The following DOCK1 variants were observed in gnomAD, a reference collection of about 807,000 sequenced individuals.
The protein encoded by DOCK1 is dedicator of cytokinesis 1.
Under a neutral mutation model 262.7 loss-of-function variants are expected in DOCK1, and 138 were observed. The observed-to-expected ratio is 0.53, with a 90% confidence interval of 0.46 to 0.61. The LOEUF (loss-of-function observed/expected upper bound fraction) is 0.61. Among genes scored for constraint, DOCK1 ranks in the 20% least tolerant of loss-of-function variants. The pLI, the probability that DOCK1 is intolerant of heterozygous loss-of-function variation, is 0.00. For synonymous variants in DOCK1, 866 were observed against 867.4 expected (o/e 1.00, Z 0.03); for missense variants, 1,908 against 2,370.7 (o/e 0.80, Z 4.05).
chr10:127,306,090 C>T (rs2061865398), intron 29 of DOCK1, among the ~76,000 whole-genome samples: 1 of 148,688 alleles, frequency 6.7e-6, no homozygotes, highest in Non-Finnish European at 1.5e-5. Context: ...TCTCAGCTTA[C>T]TGCAACCTCC....
At chr10:127,179,244 G>A (rs1022034479) in intron 27 of DOCK1, among the ~76,000 whole-genome samples, 4 of 152,146 alleles carry the variant, frequency 2.6e-5, no homozygotes, top group Non-Finnish European at 5.9e-5. Context: ...GGTCTTGGAC[G>A]CAACCATCAA....
At chr10:127,019,068 G>A in intron 13 of DOCK1, 1 of 560,598 alleles carries the variant, frequency 1.8e-6, no homozygotes, top group Non-Finnish European at 3.0e-6. Context: ...CAGCTGCAAG[G>A]ATTGTGTGAG....
At chr10:127,361,175 G>T (rs933148747) in intron 32 of DOCK1, among the ~76,000 whole-genome samples, 2 of 143,170 alleles carry the variant, frequency 1.4e-5, no homozygotes, top group East Asian at 2.1e-4. Flanking sequence ...GTGCACTGGC[G>T]TGATCTTGGC....
At chr10:127,019,355 A>G (rs1268558433) in intron 13 of DOCK1, among the ~76,000 whole-genome samples, 1 of 152,252 alleles carries the variant, frequency 6.6e-6, no homozygotes, top group Admixed American at 6.5e-5. Context: ...TTTTCCAAAT[A>G]ACGTTCCTAA....
chr10:127,434,584 C>T (rs1448670346), intron 48 of DOCK1, among the ~76,000 whole-genome samples: 1 of 152,142 alleles, frequency 6.6e-6, no homozygotes, highest in Non-Finnish European at 1.5e-5. Context: ...CCACTCTTTA[C>T]CTCCCATATT....
At chr10:127,439,254 C>A (rs555488929) in intron 49 of DOCK1, 29 bp downstream of exon 49, 3 of 1,585,200 alleles carry the variant, frequency 1.9e-6, no homozygotes, top group Non-Finnish European at 2.6e-6. Flanking sequence ...TTTCCTCGCT[C>A]TGCGGTAGCT....
At chr10:127,335,094 T>A (rs2063136590) in intron 29 of DOCK1, among the ~76,000 whole-genome samples, 1 of 152,202 alleles carries the variant, frequency 6.6e-6, no homozygotes, top group Admixed American at 6.5e-5. Flanking sequence ...TCCATCCACT[T>A]ATTCATTCAT....
chr10:127,439,884 AGGAGCC>A (rs1302948605), intron 49 of DOCK1, among the ~76,000 whole-genome samples: 6 of 152,252 alleles, frequency 3.9e-5, no homozygotes, highest in African/African-American at 1.2e-4. Flanking sequence ...GGTGAAACCC[AGGAGCC>A]GGCTCTCATC....
At chr10:126,988,433 A>T (rs2039565690) in intron 5 of DOCK1, 1 of 152,220 alleles carries the variant, frequency 6.6e-6, no homozygotes, top group Admixed American at 6.5e-5. Flanking sequence ...GTTTTTGATT[A>T]TACAGTGGTT....
At chr10:127,099,484 G>A (rs545632165) in intron 23 of DOCK1, among the ~76,000 whole-genome samples, 1 of 152,284 alleles carries the variant, frequency 6.6e-6, no homozygotes, top group South Asian at 2.1e-4. Context: ...TCTGCAGGGT[G>A]CACAGGAAGC....
rs772284979 is a variant in DOCK1, at chr10:127,426,005, A to G, written c.4908A>G (p.Arg1636=). 5 of 1,613,846 alleles carry G rather than the reference A, an allele frequency of 3.1e-6. No homozygotes were observed. The African/African-American group carries it at 6.7e-5, about 22-fold the overall frequency. The change falls in exon 47 of 52, where the codon CGA becomes CGG. Residue 1636 remains arginine, a synonymous_variant. Transcript: ENST00000623213. The part of the protein sequence containing the change: ...KEKVEKEYGV[R]IMPSSLDDRR... ...AGGTGGAGAAAGAGTACGGCGTCCG[A>G]ATCATGGTAAGAGGGTAGTATGCGT...
At chr10:126,927,980 C>T (rs1044939305) in intron 1 of DOCK1, among the ~76,000 whole-genome samples, 20 of 152,166 alleles carry the variant, frequency 1.3e-4, no homozygotes, top group African/African-American at 4.3e-4. Flanking sequence ...CCAGGTGCCA[C>T]CTGGTCTGCG....
chr10:127,089,213 C>G (rs559983843), intron 23 of DOCK1, among the ~76,000 whole-genome samples: 1 of 152,198 alleles, frequency 6.6e-6, no homozygotes, highest in East Asian at 1.9e-4. Flanking sequence ...TGACTCAGCT[C>G]TGCTCCTGTT....
intron 27 of DOCK1, among the ~76,000 whole-genome samples, chr10:127,198,200 G>C (rs1044667991): frequency 6.6e-6 from 1 of 152,214 alleles, no homozygotes; most frequent in African/African-American, 2.4e-5. Flanking sequence ...GAATGTATAG[G>C]AGTTGGGGAC....
intron 28 of DOCK1, among the ~76,000 whole-genome samples, chr10:127,249,961 T>C (rs1264373411): frequency 1.3e-5 from 2 of 152,236 alleles, no homozygotes; most frequent in Admixed American, 1.3e-4. Flanking sequence ...CTGTATCCTG[T>C]TTATATCCCA....
chr10:127,399,429 A>G (rs2067096253), intron 38 of DOCK1, among the ~76,000 whole-genome samples: 1 of 152,178 alleles, frequency 6.6e-6, no homozygotes, highest in Non-Finnish European at 1.5e-5. Context: ...AGCCCCATCC[A>G]ATTAAAAGTA....
At chr10:127,124,306 G>T (rs966650722) in intron 25 of DOCK1, among the ~76,000 whole-genome samples, 4 of 152,178 alleles carry the variant, frequency 2.6e-5, no homozygotes, top group African/African-American at 9.6e-5. Context: ...CTGAAAACCG[G>T]CTAAGTCTGT....
intron 1 of DOCK1, among the ~76,000 whole-genome samples, chr10:126,957,668 C>T (rs1290001395): frequency 3.9e-5 from 6 of 151,984 alleles, no homozygotes; most frequent in East Asian, 1.9e-4. Flanking sequence ...GTTGTAGATA[C>T]GGAGTCTTCC....
At chr10:127,218,264 A>G (rs922411239) in intron 27 of DOCK1, among the ~76,000 whole-genome samples, 18 of 152,366 alleles carry the variant, frequency 1.2e-4, no homozygotes, top group Non-Finnish European at 1.5e-4. Context: ...ATCTAAACAG[A>G]ATCTGCTCAT....
Sources: gnomAD v4.1 joint callset for allele counts (sites outside exome capture counted in the v4.1 genomes callset) on GRCh38, gnomAD v4.1.1 for gene constraint, MANE v1.5 for transcripts, NCBI Gene and HGNC (gene_info 2026-07-23, HGNC 2026-07-21) for gene names.